Variants in CEP44 observed in about 807,000 individuals in gnomAD.
CEP44 encodes the protein centrosomal protein 44.
A neutral mutation model predicts 46.7 loss-of-function variants in CEP44; 45 were observed. That is an observed-to-expected ratio of 0.96 (90% CI 0.76 to 1.24). CEP44 has a LOEUF of 1.24. CEP44 is among the 50% of genes most tolerant of loss of function. CEP44 has a pLI of 0.00. For missense variants in CEP44, 475 were observed against 459.7 expected (o/e 1.03, Z -0.30); for synonymous variants, 142 against 146.0 (o/e 0.97, Z 0.20).
rs1233264636 is a variant in CEP44 at position 174,319,728 on chromosome 4, G to A, written c.*2345G>A. 7.9e-6 allele frequency: 7 copies of A among 884,382 alleles called. 1 individual carries two copies. The Admixed American group carries it at 3.1e-4, about 39-fold the overall frequency. 54.8% of individuals were successfully genotyped at this position (884,382 alleles called of 1,614,324 possible). A position where few individuals can be genotyped will look rare whatever the true frequency, so the allele number is the denominator to read the frequency against. ...AACTTGTCTAACAACTCTCTAATAG[G>A]GACTAAAAATCAACTCAATATATCA... On this transcript the variant is annotated 3_prime_UTR_variant, in exon 12 of 12. Coordinates refer to ENST00000503780, the MANE Select transcript of CEP44 (RefSeq NM_001040157.3).
rs1023479474 is a variant in CEP44, at chr4:174,314,982, T to C, written c.962-1184T>C. Among the ~76,000 whole-genome samples, 3 of 152,210 alleles carry C rather than the reference T, an allele frequency of 2.0e-5. No individual in the cohort carries two copies. The South Asian group carries it at 6.2e-4, about 32-fold the overall frequency. On this transcript the variant is annotated intron_variant, in intron 9 of 11. Coordinates refer to ENST00000503780, the MANE Select transcript of CEP44 (RefSeq NM_001040157.3). The surrounding 1 kb of genome is among the most constrained non-coding windows in gnomAD (Gnocchi z 4.1). ...TTAGTTAGTCAAATGATATTGAGCC[T>C]GGGCCGGGCTGGCCATGTGGTGGAA...
In CEP44 at chr4:174,312,066, CAG is replaced by C. The variant is rs1277173742; in HGVS notation, c.961+1210_961+1211del. On this transcript the variant is annotated intron_variant, in intron 9 of 11. Coordinates refer to ENST00000503780, the MANE Select transcript of CEP44 (RefSeq NM_001040157.3). This position sits in a 1 kb window ranked among gnomAD's most constrained non-coding sequence, Gnocchi z 4.5. ...TCTTATGGTCTGCCTGTCTAGCACA[CAG>C]AAAGTATGTCGGTGCTTTTATCACC... Among the ~76,000 whole-genome samples, 2 of 152,132 alleles carry C rather than the reference CAG, an allele frequency of 1.3e-5. No individual in the cohort carries two copies. The highest frequency in any genetic ancestry group is 4.8e-5 in the African/African-American group (2 of 41,424).
chr4:174,329,076 AGCCAGAACTACAGATGTGT>A lies in CEP44; in HGVS notation c.1087-2401_1087-2383del, dbSNP rs1190222990. Reference sequence around the variant, plus strand: ...ATCCTCCCACAGCAGCCACGTGAGTAGCCAGAACTACAGATGTGTGCCACTGCACCTGGATTTTTTTTTA... The same window carrying A: ...ATCCTCCCACAGCAGCCACGTGAGTAGCCACTGCACCTGGATTTTTTTTTA... On this transcript the variant is annotated intron_variant, in intron 8 of 8. Coordinates refer to the CEP44 transcript ENST00000426172. This position sits in a 1 kb window ranked among gnomAD's most constrained non-coding sequence, Gnocchi z 4.0. Among the ~76,000 whole-genome samples, 28 of 152,230 alleles carry A rather than the reference AGCCAGAACTACAGATGTGT, an allele frequency of 1.8e-4. No homozygotes were observed. Among genetic ancestry groups the A allele is most frequent in the African/African-American group, 5.3e-4 (22 of 41,534 alleles).
At chr4:174,303,620 T>G (rs895604201) in intron 4 of CEP44, 83 bp from the exon 5 acceptor site, 2 of 819,960 alleles carry the variant, frequency 2.4e-6, no homozygotes, top group Non-Finnish European at 3.8e-6. Flanking sequence ...TGGCCATTAT[T>G]CCCCTGACCA....
At chr4:174,294,500 C>A (rs1341214855) in intron 1 of CEP44, among the ~76,000 whole-genome samples, 1 of 151,680 alleles carries the variant, frequency 6.6e-6, no homozygotes, top group African/African-American at 2.4e-5. Context: ...GCCTTTCCCC[C>A]CTTTCTATTC....
intron 8 of CEP44, among the ~76,000 whole-genome samples, chr4:174,328,073 C>T (rs939641659): frequency 3.3e-5 from 5 of 152,054 alleles, no homozygotes; most frequent in African/African-American, 9.7e-5. Context: ...ATAGCCTTTT[C>T]CCAGAAGTTG....
rs976628302 is a variant in CEP44 at position 174,286,132 on chromosome 4, C to T, written c.-148+2189C>T. The stretch of plus-strand genomic sequence containing the variant: ...GTATATTCAATAAGCTGTTGCCTAC[C>T]ATGTTGATAAAGGAGACTAGGAACA... On this transcript the variant is annotated intron_variant, in intron 1 of 11. Coordinates refer to ENST00000503780, the MANE Select transcript of CEP44 (RefSeq NM_001040157.3). This position sits in a 1 kb window ranked among gnomAD's most constrained non-coding sequence, Gnocchi z 5.2. Among the ~76,000 whole-genome samples, 1 of 152,082 alleles carries T rather than the reference C, an allele frequency of 6.6e-6. No homozygotes were observed. Among genetic ancestry groups the T allele is most frequent in the African/African-American group, 2.4e-5 (1 of 41,406 alleles).
In CEP44 at chr4:174,286,459, T is replaced by C. The variant is rs1478570765; in HGVS notation, c.-148+2516T>C. Among the ~76,000 whole-genome samples, 7 of 152,228 alleles carry C rather than the reference T, an allele frequency of 4.6e-5. No individual in the cohort carries two copies. Among genetic ancestry groups the C allele is most frequent in the Non-Finnish European group, 8.8e-5 (6 of 68,034 alleles). ...TCATTTTAATGTGATAACTTCATTT[T>C]AAAGGAGCTTCATTCTCAAAGGGTT... is the stretch of plus-strand genomic sequence containing the variant. On this transcript the variant is annotated intron_variant, in intron 1 of 11. Transcript: ENST00000503780. The surrounding 1 kb of genome is among the most constrained non-coding windows in gnomAD (Gnocchi z 5.2).
downstream of CEP44, among the ~76,000 whole-genome samples, chr4:174,322,345 C>A (rs1742376123): frequency 6.6e-6 from 1 of 151,964 alleles, no homozygotes; most frequent in Non-Finnish European, 1.5e-5. Context: ...CTAAAATGTT[C>A]ATTTGTTCTC....
chr4:174,326,650 C>T lies in CEP44; in HGVS notation c.1087-4832C>T, dbSNP rs1742690017. Among the ~76,000 whole-genome samples, 2 of 151,944 alleles carry T rather than the reference C, an allele frequency of 1.3e-5. No homozygotes were observed. The highest frequency in any genetic ancestry group is 2.4e-5 in the African/African-American group (1 of 41,404). The stretch of plus-strand genomic sequence containing the variant: ...TCTTCTTGATATAATTTTCCTTCTG[C>T]CTGAAGGGTTTCCTTTAACTTTTCT... On this transcript the variant is annotated intron_variant, in intron 8 of 8. Coordinates refer to the CEP44 transcript ENST00000426172. The surrounding 1 kb of genome is among the most constrained non-coding windows in gnomAD (Gnocchi z 4.8).
At chr4:174,283,906 AGC>A, upstream of CEP44, 1 of 398,950 alleles carries the variant, frequency 2.5e-6, no homozygotes, top group Non-Finnish European at 4.4e-6. The surrounding 1 kb of genome is among the most constrained non-coding windows in gnomAD (Gnocchi z 6.7). Flanking sequence ...GGAATCCTGG[AGC>A]ACAGAGAAGC....
chr4:174,296,991 T>A lies in CEP44; in HGVS notation c.-147-975T>A, dbSNP rs186069635. On this transcript the variant is annotated intron_variant, in intron 1 of 11. Coordinates refer to ENST00000503780, the MANE Select transcript of CEP44 (RefSeq NM_001040157.3). ...TAATGACCCTATGTCCCTAATAACT[T>A]TCCTTATTATAAAGTCTGCTGTCTG... Among the ~76,000 whole-genome samples, 296 of 152,208 alleles carry A rather than the reference T, an allele frequency of 1.9e-3. 2 individuals are homozygous for A. The highest frequency in any genetic ancestry group is 6.8e-3 in the African/African-American group (283 of 41,546).
At chr4:174,300,199 A>G (rs1351515821) in intron 3 of CEP44, among the ~76,000 whole-genome samples, 2 of 152,210 alleles carry the variant, frequency 1.3e-5, no homozygotes, top group African/African-American at 4.8e-5. Flanking sequence ...GGATATTCTA[A>G]TAACTCTTGA....
chr4:174,320,443 C>G (rs947489636), downstream of CEP44: 7 of 389,732 alleles, frequency 1.8e-5, no homozygotes, highest in Middle Eastern at 1.2e-3. Flanking sequence ...ACTTTTTGAG[C>G]TCAAATAACA....
At chr4:174,333,027 T>C (rs904761398) in exon 9 of CEP44, 2 of 152,066 alleles carry the variant, frequency 1.3e-5, no homozygotes, top group East Asian at 1.9e-4. Flanking sequence ...ATTGGGCACA[T>C]AGGACATTTA....
At chr4:174,302,430 C>T (rs1739838462) in intron 4 of CEP44, among the ~76,000 whole-genome samples, 1 of 151,914 alleles carries the variant, frequency 6.6e-6, no homozygotes, top group South Asian at 2.1e-4. Flanking sequence ...ATTGTTTGCC[C>T]TTTTTAATCA....
At chr4:174,323,518 G>T (rs1041721687), downstream of CEP44, among the ~76,000 whole-genome samples, 2 of 152,054 alleles carry the variant, frequency 1.3e-5, no homozygotes, top group Non-Finnish European at 2.9e-5. Context: ...GTGGAGAAAA[G>T]ATTTTATTCA....
chr4:174,298,890 C>G (rs917145067), intron 2 of CEP44, among the ~76,000 whole-genome samples, 182 bp from the exon 3 acceptor site: 3 of 151,934 alleles, frequency 2.0e-5, no homozygotes, highest in Non-Finnish European at 4.4e-5. Flanking sequence ...GGGAGACACC[C>G]TATATTCAGA....
rs750457522 is a variant in CEP44 at position 174,318,078 on chromosome 4, G to T, written c.*695G>T. The T allele has an allele frequency of 1.2e-4, 115 of 984,778 alleles. No individual in the cohort carries two copies. Among genetic ancestry groups the T allele is most frequent in the Non-Finnish European group, 1.3e-4 (106 of 829,568 alleles). 61.0% of individuals were successfully genotyped at this position (984,778 alleles called of 1,614,324 possible). ...GCTCTATTGTATAATTTTTTTGGAG[G>T]GGGGGATGGAGTTTCGCTGTTGTTG... On this transcript the variant is annotated 3_prime_UTR_variant, in exon 12 of 12. Transcript: ENST00000503780.
Sources: gnomAD v4.1 joint callset for allele counts (sites outside exome capture counted in the v4.1 genomes callset) on GRCh38, gnomAD v4.1.1 for gene constraint, Gnocchi (gnomAD v3.1) non-coding constraint, MANE v1.5 for transcripts, NCBI Gene and HGNC (gene_info 2026-07-23, HGNC 2026-07-21) for gene names.